Variants in CTNNB1 observed in about 807,000 individuals in gnomAD.
CTNNB1 encodes catenin beta-1.
In CTNNB1, 6 loss-of-function variants were observed where a neutral mutation model predicts 82.5. The ratio of observed to expected loss-of-function variants is 0.07; its 90% CI spans 0.04 to 0.14. The LOEUF is 0.14. CTNNB1 is among the 10% of genes least tolerant of loss of function. The probability of loss-of-function intolerance (pLI) is 1.00; values close to 1 mark genes in which losing one functional copy is unlikely to be tolerated. For synonymous variants in CTNNB1, 312 were observed against 329.7 expected (o/e 0.95, Z 0.58); for missense variants, 529 against 980.4 (o/e 0.54, Z 6.15).
chr3:41,210,192 G>A (rs1249450736), intron 1 of CTNNB1, among the ~76,000 whole-genome samples: 2 of 151,986 alleles, frequency 1.3e-5, no homozygotes, highest in African/African-American at 4.8e-5. Flanking sequence ...GGTGGCTCAC[G>A]CCTGTAATCC....
At chr3:41,236,196 T>C (rs1480322819) in intron 11 of CTNNB1, 153 bp from the exon 12 acceptor site, 1 of 975,960 alleles carries the variant, frequency 1.0e-6, no homozygotes, top group Non-Finnish European at 1.6e-6. Flanking sequence ...CTCCAGAGCA[T>C]TAAACACCCC....
intron 1 of CTNNB1, among the ~76,000 whole-genome samples, chr3:41,200,635 G>T (rs2077506884): frequency 6.6e-6 from 1 of 152,234 alleles, no homozygotes; most frequent in Non-Finnish European, 1.5e-5. Context: ...TCAGCGGAGT[G>T]AATTTTTCCT....
chr3:41,224,120 C>A, intron 2 of CTNNB1, 39 bp downstream of exon 2: 2 of 1,612,730 alleles, frequency 1.2e-6, no homozygotes, highest in Non-Finnish European at 1.7e-6. Flanking sequence ...AATTGGGGCT[C>A]TGCTTCGTTG....
intron 1 of CTNNB1, among the ~76,000 whole-genome samples, chr3:41,215,968 C>A (rs900518676): frequency 1.3e-5 from 2 of 152,130 alleles, no homozygotes; most frequent in South Asian, 4.1e-4. Context: ...TGGCTAACCC[C>A]TGTCTTTCAT....
intron 1 of CTNNB1, chr3:41,220,687 A>T (rs2078026470): frequency 6.6e-6 from 1 of 152,178 alleles, no homozygotes; most frequent in African/African-American, 2.4e-5. Context: ...ATAGAGTAGC[A>T]CTTTCTAACT....
intron 14 of CTNNB1, 113 bp downstream of exon 14, chr3:41,238,189 C>A: frequency 1.1e-6 from 1 of 919,518 alleles, no homozygotes; most frequent in Non-Finnish European, 1.8e-6. Context: ...AAAGTAGTGG[C>A]TTCAATTAAA....
Position 41,203,312 on chromosome 3 carries a change from A to G in CTNNB1, c.-49+3642A>G, listed in dbSNP as rs117571665. Among the ~76,000 whole-genome samples the G allele has an allele frequency of 2.9e-3, 445 of 152,218 alleles. 4 individuals are homozygous for G. The highest frequency in any genetic ancestry group is 0.019 in the East Asian group (100 of 5,192). On this transcript the variant is annotated intron_variant, in intron 1 of 14. Transcript: ENST00000349496. The stretch of plus-strand genomic sequence containing the variant: ...AAACCTTTGATTTCTAAAATAATTA[A>G]TATCATTACTGCTAATTAAAATACA...
chr3:41,201,232 C>T (rs918171258), intron 1 of CTNNB1, among the ~76,000 whole-genome samples: 1 of 152,128 alleles, frequency 6.6e-6, no homozygotes, highest in African/African-American at 2.4e-5. Context: ...TGTTATACTG[C>T]TGGTTTATTC....
At chr3:41,230,728 C>A (rs994360806) in intron 7 of CTNNB1, among the ~76,000 whole-genome samples, 1 of 152,010 alleles carries the variant, frequency 6.6e-6, no homozygotes, top group African/African-American at 2.4e-5. Flanking sequence ...GAGAGGGAAC[C>A]GTCTCTTGTC....
chr3:41,234,708 T>C lies in CTNNB1; in HGVS notation c.1683+411T>C, dbSNP rs1488159185. ...GCAGTCCGTTTTATTATCTTTTCTG[T>C]GAGTTAAACTTTTTTCATGGACCTA... is the stretch of plus-strand genomic sequence containing the variant. On this transcript the variant is annotated intron_variant, in intron 10 of 14. Coordinates refer to ENST00000349496, the MANE Select transcript of CTNNB1 (RefSeq NM_001904.4). The C allele has an allele frequency of 2.9e-5, 6 of 204,838 alleles. No homozygotes were observed. The East Asian group carries it at 7.0e-4, about 24-fold the overall frequency. 12.7% of individuals were successfully genotyped at this position (204,838 alleles called of 1,614,324 possible).
At chr3:41,235,016 A>G (rs566714961) in intron 10 of CTNNB1, 1 of 154,666 alleles carries the variant, frequency 6.5e-6, no homozygotes, top group African/African-American at 2.4e-5. Flanking sequence ...GTATTGGCCC[A>G]TCTCCATGAG....
In CTNNB1 at chr3:41,224,995, C is replaced by G. The variant is rs775104326; in HGVS notation, c.283C>G (p.Arg95Gly). ...QYAMTRAQRV[R>G]AAMFPETLDE... ...TGCAATGACTCGAGCTCAGAGGGTA[C>G]GAGCTGCTATGTTCCCTGAGACATT... Residue 95 changes from arginine (R) to glycine (G), a missense_variant, in exon 4 of 15, where the codon CGA becomes GGA. Arg to Gly is a moderately radical substitution (Grantham distance 125). Coordinates refer to ENST00000349496, the MANE Select transcript of CTNNB1 (RefSeq NM_001904.4). The G allele has an allele frequency of 6.2e-7, 1 of 1,613,958 alleles. No individual in the cohort carries two copies. Among genetic ancestry groups the G allele is most frequent in the Non-Finnish European group, 8.5e-7 (1 of 1,179,948 alleles).
intron 14 of CTNNB1, chr3:41,238,467 T>G (rs1446315591): frequency 4.7e-6 from 1 of 212,812 alleles, no homozygotes; most frequent in Non-Finnish European, 9.5e-6. Context: ...CATAGTTGCA[T>G]TATCATCAGG....
At chr3:41,234,039 C>A in intron 9 of CTNNB1, 100 bp from the exon 10 acceptor site, 1 of 1,524,858 alleles carries the variant, frequency 6.6e-7, no homozygotes, top group Non-Finnish European at 9.1e-7. Flanking sequence ...GTAGTCAGAA[C>A]TACTTTTAGT....
Position 41,224,038 on chromosome 3 carries a change from A to C in CTNNB1, c.-31A>C, listed in dbSNP as rs1180333770. The C allele has an allele frequency of 1.2e-6, 2 of 1,612,442 alleles. No individual in the cohort carries two copies. The highest frequency in any genetic ancestry group is 1.7e-6 in the Non-Finnish European group (2 of 1,178,494). On this transcript the variant is annotated 5_prime_UTR_variant, in exon 2 of 15. Transcript: ENST00000349496. ...TTTTTTAGGGTATTTGAAGTATACC[A>C]TACAACTGTTTTGAAAATCCAGCGT...
intron 1 of CTNNB1, among the ~76,000 whole-genome samples, chr3:41,210,393 G>A (rs1385240501): frequency 6.6e-6 from 1 of 152,182 alleles, no homozygotes; most frequent in African/African-American, 2.4e-5. Context: ...GGCGGAGTTT[G>A]CAGTGAGCCG....
Position 41,224,040 on chromosome 3 carries a change from A to G in CTNNB1, c.-29A>G. ...TTTTAGGGTATTTGAAGTATACCAT[A>G]CAACTGTTTTGAAAATCCAGCGTGG... On this transcript the variant is annotated 5_prime_UTR_variant, in exon 2 of 15. It adds an upstream start codon to the 5' untranslated region. Coordinates refer to ENST00000349496, the MANE Select transcript of CTNNB1 (RefSeq NM_001904.4). 1 of 1,612,620 alleles carries G rather than the reference A, an allele frequency of 6.2e-7. No homozygotes were observed. Among genetic ancestry groups the G allele is most frequent in the Non-Finnish European group, 8.5e-7 (1 of 1,178,668 alleles).
intron 1 of CTNNB1, among the ~76,000 whole-genome samples, chr3:41,210,278 C>T (rs1006751380): frequency 4.6e-5 from 7 of 152,042 alleles, no homozygotes; most frequent in African/African-American, 1.2e-4. Context: ...CATGGTGAAA[C>T]CCCGTCTCTA....
rs1362923686 is a variant in CTNNB1 at position 41,225,169 on chromosome 3, A to G, written c.457A>G (p.Ile153Val). 1 of 1,614,080 alleles carries G rather than the reference A, an allele frequency of 6.2e-7. No homozygotes were observed. Residue 153 changes from isoleucine (I) to valine (V), a missense_variant, in exon 4 of 15, where the codon ATC becomes GTC. This residue lies in a region of CTNNB1 where 411 missense variants were observed against 776.4 expected (regional missense o/e 0.53). Coordinates refer to ENST00000349496, the MANE Select transcript of CTNNB1 (RefSeq NM_001904.4). The surrounding 1 kb of genome is among the most constrained non-coding windows in gnomAD (Gnocchi z 5.3). The stretch of plus-strand genomic sequence containing the variant: ...TGATGCAGAACTTGCCACACGTGCA[A>G]TCCCTGAACTGACAAAACTGCTAAA... ...QDDAELATRA[I>V]PELTKLLNDE...
Sources: allele counts gnomAD v4.1 joint callset (sites outside exome capture counted in the v4.1 genomes callset), GRCh38; gene constraint gnomAD v4.1.1; regional missense constraint gnomAD v4.1.1; non-coding constraint Gnocchi (gnomAD v3.1); transcripts MANE v1.5; gene names NCBI Gene and HGNC (gene_info 2026-07-23, HGNC 2026-07-21).